The following TNFRSF1B variants were observed in gnomAD, a reference collection of about 807,000 sequenced individuals.
The protein encoded by TNFRSF1B is tumor necrosis factor receptor superfamily member 1B.
A neutral mutation model predicts 44.6 loss-of-function variants in TNFRSF1B; 19 were observed. The observed-to-expected ratio is 0.43, with a 90% CI of 0.30 to 0.62. The LOEUF (loss-of-function observed/expected upper bound fraction) is 0.62. Among genes scored for constraint, TNFRSF1B ranks in the 20% least tolerant of loss-of-function variants. The pLI, the probability that TNFRSF1B is intolerant of heterozygous loss-of-function variation, is 0.16. For synonymous variants in TNFRSF1B, 252 were observed against 261.1 expected, an observed-to-expected ratio of 0.97 and a Z score of 0.34; for missense variants, 541 against 619.9, an observed-to-expected ratio of 0.87 and a Z score of 1.35.
rs376781712 is a variant in TNFRSF1B, at chr1:12,177,764, A to G, written c.78+10595A>G. ...AACCGAGATCGCGCCATTGCACTCC[A>G]GCCTGGGTGACAGGGTGAGATTCTG... On this transcript the variant is annotated intron_variant, in intron 1 of 9. Transcript: ENST00000376259. This position sits in a 1 kb window ranked among gnomAD's most constrained non-coding sequence, Gnocchi z 4.3. 3.0e-3 allele frequency among the ~76,000 whole-genome samples: 459 copies of G among 150,978 alleles called. 2 individuals are homozygous for G. Among genetic ancestry groups the G allele is most frequent in the Middle Eastern group, 6.8e-3 (2 of 292 alleles).
At position 12,178,941 on chromosome 1, in the gene TNFRSF1B, C is replaced by A. The variant is rs1013487537; in HGVS notation, c.79-9855C>A. ...AAGGCTGGGAACCAAGACCAAGGAG[C>A]CTGCAGCTGGCAGGAGATGCTGAGG... On this transcript the variant is annotated intron_variant, in intron 1 of 9. Coordinates refer to ENST00000376259, the MANE Select transcript of TNFRSF1B (RefSeq NM_001066.3). This position sits in a 1 kb window ranked among gnomAD's most constrained non-coding sequence, Gnocchi z 4.3. Among the ~76,000 whole-genome samples, 1 of 152,020 alleles carries A rather than the reference C, an allele frequency of 6.6e-6. No homozygotes were observed. Among genetic ancestry groups the A allele is most frequent in the East Asian group, 1.9e-4 (1 of 5,198 alleles).
At chr1:12,190,157 A>G (rs1207610982) in intron 2 of TNFRSF1B, among the ~76,000 whole-genome samples, 1 of 152,186 alleles carries the variant, frequency 6.6e-6, no homozygotes, top group Non-Finnish European at 1.5e-5. Context: ...AAGACATCCT[A>G]GGGAAAGTGA....
At chr1:12,191,529 C>T (rs1639128926) in intron 3 of TNFRSF1B, among the ~76,000 whole-genome samples, 1 of 149,362 alleles carries the variant, frequency 6.7e-6, no homozygotes, top group South Asian at 2.1e-4. Context: ...GGGGGACGAG[C>T]GCGACTGCGG....
At chr1:12,184,595 G>A (rs1032490457) in intron 1 of TNFRSF1B, among the ~76,000 whole-genome samples, 7 of 152,232 alleles carry the variant, frequency 4.6e-5, no homozygotes, top group African/African-American at 7.2e-5. Context: ...CCACTCAGCC[G>A]GCCTGGGGGC....
chr1:12,191,592 C>T, intron 3 of TNFRSF1B, 182 bp from the exon 4 acceptor site: 1 of 704,904 alleles, frequency 1.4e-6, no homozygotes, highest in African/African-American at 1.8e-5. Context: ...AGCGGGACTG[C>T]GGAGAGTAGC....
At chr1:12,181,642 A>G (rs1638809854) in intron 1 of TNFRSF1B, among the ~76,000 whole-genome samples, 1 of 152,118 alleles carries the variant, frequency 6.6e-6, no homozygotes, top group African/African-American at 2.4e-5. Context: ...GGTGTCCAGC[A>G]CACCTGGGAA....
chr1:12,209,074 CAT>C lies in TNFRSF1B; in HGVS notation c.*2055_*2056del, dbSNP rs1313064510. ...CTGGGAGAACCTCAGGCTTCCTTGG[CAT>C]CACAGGGCAGAGCCGGGAAGCGATG... On this transcript the variant is annotated 3_prime_UTR_variant, in exon 10 of 10. Coordinates refer to ENST00000376259, the MANE Select transcript of TNFRSF1B (RefSeq NM_001066.3). The C allele has an allele frequency of 6.6e-6, 1 of 152,356 alleles. No homozygotes were observed. The highest frequency in any genetic ancestry group is 2.4e-5 in the African/African-American group (1 of 41,444). 9.4% of individuals were successfully genotyped at this position (152,356 alleles called of 1,614,324 possible).
At chr1:12,170,455 G>T (rs1228695768) in intron 1 of TNFRSF1B, among the ~76,000 whole-genome samples, 3 of 152,216 alleles carry the variant, frequency 2.0e-5, no homozygotes, top group African/African-American at 7.2e-5. Flanking sequence ...AACCTGCCGG[G>T]CATTCTTACG....
chr1:12,179,694 A>G (rs1399643325), intron 1 of TNFRSF1B, among the ~76,000 whole-genome samples: 1 of 152,194 alleles, frequency 6.6e-6, no homozygotes, highest in Non-Finnish European at 1.5e-5. Context: ...ACAAGATCAC[A>G]GGGTACAAAA....
rs562126138 is a variant in TNFRSF1B, at chr1:12,187,401, C to G, written c.79-1395C>G. Among the ~76,000 whole-genome samples the G allele has an allele frequency of 6.6e-6, 1 of 152,322 alleles. No individual in the cohort carries two copies. Among genetic ancestry groups the G allele is most frequent in the African/African-American group, 2.4e-5 (1 of 41,580 alleles). On this transcript the variant is annotated intron_variant, in intron 1 of 9. Coordinates refer to ENST00000376259, the MANE Select transcript of TNFRSF1B (RefSeq NM_001066.3). The surrounding 1 kb of genome is among the most constrained non-coding windows in gnomAD (Gnocchi z 5.5). Reference sequence around the variant, plus strand: ...CTCTTGACCTCAAGTGATCCACCTGCTTCGGCCTCCCAAAGTGCTGGGATT... The same window carrying G: ...CTCTTGACCTCAAGTGATCCACCTGGTTCGGCCTCCCAAAGTGCTGGGATT...
At position 12,207,163 on chromosome 1, in the gene TNFRSF1B, A is replaced by T; in HGVS notation, c.*143A>T. 2 of 837,958 alleles carry T rather than the reference A, an allele frequency of 2.4e-6. No homozygotes were observed. The highest frequency in any genetic ancestry group is 3.4e-6 in the Non-Finnish European group (2 of 580,804). The allele number at this position is 837,958 out of a possible 1,614,324, so 51.9% of individuals were successfully genotyped here. A position where few individuals can be genotyped will look rare whatever the true frequency, so the allele number is the denominator to read the frequency against. ...GCCAAGTTCCTCTAGTGCCCTCCACAGCCGCAGCCTCCCTCTGACCTGCAG... is the reference window on the plus strand; with the variant it reads ...GCCAAGTTCCTCTAGTGCCCTCCACTGCCGCAGCCTCCCTCTGACCTGCAG... On this transcript the variant is annotated 3_prime_UTR_variant, in exon 10 of 10. Coordinates refer to ENST00000376259, the MANE Select transcript of TNFRSF1B (RefSeq NM_001066.3).
At chr1:12,198,576 A>C (rs1478210623) in intron 8 of TNFRSF1B, among the ~76,000 whole-genome samples, 8 of 152,154 alleles carry the variant, frequency 5.3e-5, no homozygotes, top group Non-Finnish European at 1.5e-5. Flanking sequence ...CACAGCAGGA[A>C]CCTGGAGGAC....
At chr1:12,193,252 C>G in intron 6 of TNFRSF1B, 154 bp downstream of exon 6, 1 of 736,446 alleles carries the variant, frequency 1.4e-6, no homozygotes, top group East Asian at 2.7e-5. Context: ...TGCTTTCTCC[C>G]CACACCTGGT....
chr1:12,167,695 G>A (rs1638425380), intron 1 of TNFRSF1B, among the ~76,000 whole-genome samples: 1 of 152,222 alleles, frequency 6.6e-6, no homozygotes, highest in South Asian at 2.1e-4. Flanking sequence ...TGAAGAGCAG[G>A]ACCAGGTGTG....
At chr1:12,174,208 CCTTCTCCTT>C (rs1638597018) in intron 1 of TNFRSF1B, among the ~76,000 whole-genome samples, 2 of 134,598 alleles carry the variant, frequency 1.5e-5, no homozygotes, top group African/African-American at 5.9e-5. Context: ...TTCTCCTTCT[CCTTCTCCTT>C]CTCCTTCTCC....
rs917618605 is a variant in TNFRSF1B, at chr1:12,178,690, G to A, written c.79-10106G>A. Reference sequence around the variant, plus strand: ...CAGCACTGCCAGGTCGGGGGTGGCGGGTCAGGACGTTTGGGCAGAGGCAGC... The same window carrying A: ...CAGCACTGCCAGGTCGGGGGTGGCGAGTCAGGACGTTTGGGCAGAGGCAGC... On this transcript the variant is annotated intron_variant, in intron 1 of 9. Transcript: ENST00000376259. This position sits in a 1 kb window ranked among gnomAD's most constrained non-coding sequence, Gnocchi z 4.3. Among the ~76,000 whole-genome samples, 1 of 152,128 alleles carries A rather than the reference G, an allele frequency of 6.6e-6. No homozygotes were observed. Among genetic ancestry groups the A allele is most frequent in the African/African-American group, 2.4e-5 (1 of 41,414 alleles).
Position 12,205,270 on chromosome 1 carries a change from C to T in TNFRSF1B, c.1106-1470C>T, listed in dbSNP as rs117478694. Reference sequence around the variant, plus strand: ...GCTGAGGGAGCGGCCTGTGCAAAGGCCCAGGGGACCTGAAGGGCTCAAGGG... The same window carrying T: ...GCTGAGGGAGCGGCCTGTGCAAAGGTCCAGGGGACCTGAAGGGCTCAAGGG... On this transcript the variant is annotated intron_variant, in intron 9 of 9. Coordinates refer to ENST00000376259, the MANE Select transcript of TNFRSF1B (RefSeq NM_001066.3). 6.2e-4 allele frequency among the ~76,000 whole-genome samples: 94 copies of T among 152,110 alleles called. 1 individual carries two copies. The East Asian group carries it at 0.017, about 28-fold the overall frequency.
chr1:12,196,242 A>C (rs1639262772), intron 8 of TNFRSF1B, among the ~76,000 whole-genome samples: 1 of 152,184 alleles, frequency 6.6e-6, no homozygotes. Flanking sequence ...TGGAGGTTGC[A>C]ATGAGCTGAG....
At chr1:12,193,858 T>A (rs547792261) in intron 6 of TNFRSF1B, 97 bp from the exon 7 acceptor site, 1 of 878,150 alleles carries the variant, frequency 1.1e-6, no homozygotes, top group East Asian at 2.4e-5. Flanking sequence ...TCATTTGCAA[T>A]GACCCGAAGC....
Sources: gnomAD v4.1 joint callset for allele counts (sites outside exome capture counted in the v4.1 genomes callset) on GRCh38, gnomAD v4.1.1 for gene constraint, Gnocchi (gnomAD v3.1) non-coding constraint, MANE v1.5 for transcripts, NCBI Gene and HGNC (gene_info 2026-07-23, HGNC 2026-07-21) for gene names.